The following PLOD3 variants were observed in gnomAD, a reference collection of about 807,000 sequenced individuals.
PLOD3 encodes multifunctional procollagen lysine hydroxylase and glycosyltransferase LH3.
Under a neutral mutation model 96.9 loss-of-function variants are expected in PLOD3, and 73 were observed. That is an observed-to-expected ratio of 0.75 (90% confidence interval 0.62 to 0.92). PLOD3 has a LOEUF of 0.92. Among genes scored for constraint, PLOD3 ranks in the 40% least tolerant of loss-of-function variants. The pLI, the probability that PLOD3 is intolerant of heterozygous loss-of-function variation, is 0.00. For missense variants in PLOD3, 1,004 were observed against 1,004.3 expected, an observed-to-expected ratio of 1.00 and a Z score of 0.00; for synonymous variants, 454 against 413.7, an observed-to-expected ratio of 1.10 and a Z score of -1.18.
intron 7 of PLOD3, 25 bp downstream of exon 7, chr7:101,213,082 C>T (rs746715231): frequency 2.9e-5 from 30 of 1,049,360 alleles, no homozygotes; most frequent in Non-Finnish European, 3.4e-5. Flanking sequence ...CAGGGCGGGG[C>T]GGGGGTTGAG....
chr7:101,207,974 T>G (rs1015400102), intron 16 of PLOD3, among the ~76,000 whole-genome samples: 1 of 152,184 alleles, frequency 6.6e-6, no homozygotes, highest in African/African-American at 2.4e-5. Flanking sequence ...TGGCTTCTAT[T>G]GCACCCAGGC....
chr7:101,212,069 T>A, intron 10 of PLOD3, 119 bp from the exon 11 acceptor site: 1 of 1,025,468 alleles, frequency 9.8e-7, no homozygotes, highest in Non-Finnish European at 1.5e-6. Flanking sequence ...TTCCCCAGGC[T>A]CTCTGCTGTC....
At position 101,216,677 on chromosome 7, in the gene PLOD3, G is replaced by A. The variant is rs777912145; in HGVS notation, c.201+18C>T. The A allele has an allele frequency of 1.9e-6, 3 of 1,609,716 alleles. No individual in the cohort carries two copies. The highest frequency in any genetic ancestry group is 1.7e-5 in the Admixed American group (1 of 60,000). On this transcript the variant is annotated intron_variant, in intron 2 of 18. Coordinates refer to ENST00000223127, the MANE Select transcript of PLOD3 (RefSeq NM_001084.5). ...CTCCTGCTGGGACCCCCTCCCAGGG[G>A]CCTTTCCCTCTCCTCACCCGCACAG...
chr7:101,207,437 T>C, intron 17 of PLOD3, 141 bp downstream of exon 17: 2 of 881,156 alleles, frequency 2.3e-6, no homozygotes, highest in Non-Finnish European at 3.5e-6. Context: ...CTGGGGTGCC[T>C]CCTGCAGCGT....
Position 101,206,435 on chromosome 7 carries a change from C to T in PLOD3, c.2063G>A (p.Gly688Glu). ...ALNHKGLDYEGGGCRFLRYDC... is the reference protein window; with the variant it reads ...ALNHKGLDYEEGGCRFLRYDC... ...GTAGCGCAGGAAGCGGCAGCCACCT[C>T]CCTGGAAAGAGAAGGGAAAGGAAAC... Residue 688 changes from glycine (G) to glutamate (E), a missense_variant and splice_region_variant, in exon 19 of 19, where the codon GGA (glycine) becomes GAA (glutamate). Gly to Glu is a moderately conservative substitution (Grantham distance 98, BLOSUM62 -2). This residue lies in a region of PLOD3 where 222 missense variants were observed against 220.4 expected (regional missense o/e 1.01). Coordinates refer to ENST00000223127, the MANE Select transcript of PLOD3 (RefSeq NM_001084.5). The T allele has an allele frequency of 6.3e-7, 1 of 1,598,910 alleles. No individual in the cohort carries two copies. Among genetic ancestry groups the T allele is most frequent in the East Asian group, 2.3e-5 (1 of 44,164 alleles).
chr7:101,206,259 G>A lies in PLOD3; in HGVS notation c.*22C>T. 6 of 1,613,404 alleles carry A rather than the reference G, an allele frequency of 3.7e-6. No homozygotes were observed. In the South Asian group the frequency reaches 5.5e-5, roughly 15 times the overall value. ...CCTAAAAAGGCACAATGGCAGGGCA[G>A]GTTTGGCAGAGTGGTTGAGTGTCAG... On this transcript the variant is annotated 3_prime_UTR_variant, in exon 19 of 19. Coordinates refer to ENST00000223127, the MANE Select transcript of PLOD3 (RefSeq NM_001084.5).
chr7:101,216,273 T>C lies in PLOD3; in HGVS notation c.392A>G (p.Gln131Arg). ...SPTELLKKFV[Q>R]SGSRLLFSAE... ...AGAGAAGAGCAGGCGGCTGCCACTC[T>C]GGACGAACTTCTTCAGCAGCTCTGT... Residue 131 changes from glutamine to arginine, a missense_variant, in exon 4 of 19, where the codon CAG (glutamine) becomes CGG (arginine). Around this residue, in one of 5 missense-constraint regions of PLOD3, gnomAD observed 690 missense variants for 650.2 expected, o/e 1.06. Coordinates refer to ENST00000223127, the MANE Select transcript of PLOD3 (RefSeq NM_001084.5). The C allele has an allele frequency of 1.2e-6, 2 of 1,613,650 alleles. No homozygotes were observed. The highest frequency in any genetic ancestry group is 2.2e-5 in the South Asian group (2 of 91,090).
In PLOD3 at chr7:101,210,547, C is replaced by T. The variant is rs765351586; in HGVS notation, c.1485G>A (p.Lys495=). The T allele has an allele frequency of 2.5e-6, 4 of 1,614,214 alleles. No individual in the cohort carries two copies. In the South Asian group the frequency reaches 4.4e-5, roughly 18 times the overall value. ...CCGCGCTCACCTTGTCTCGAAAGCT[C>T]TTACAGAAGGCCATGTCCGGGTCTG... ...SDTDPDMAFC[K]SFRDKGIFLH... Residue 495 remains lysine (K), a synonymous_variant, in exon 13 of 19, where the codon AAG becomes AAA. Coordinates refer to ENST00000223127, the MANE Select transcript of PLOD3 (RefSeq NM_001084.5).
intron 12 of PLOD3, 193 bp downstream of exon 12, chr7:101,211,398 C>A: frequency 1.7e-6 from 1 of 604,308 alleles, no homozygotes; most frequent in South Asian, 2.1e-5. Context: ...TCAGGCTGAT[C>A]TTAAACTCCC....
chr7:101,213,353 T>C (rs967969919), intron 6 of PLOD3, 149 bp from the exon 7 acceptor site: 74 of 700,784 alleles, frequency 1.1e-4, no homozygotes, highest in Middle Eastern at 5.5e-4. Flanking sequence ...GCAGGAACCT[T>C]TGGGTTCTGA....
chr7:101,211,372 G>A (rs1474078366), intron 12 of PLOD3: 6 of 562,558 alleles, frequency 1.1e-5, no homozygotes, highest in Admixed American at 9.2e-5. Flanking sequence ...GTAGAGATAG[G>A]CTCTTGCTAC....
In PLOD3 at chr7:101,211,389, C is replaced by T. The variant is rs550714402; in HGVS notation, c.1358+202G>A. 5 of 588,960 alleles carry T rather than the reference C, an allele frequency of 8.5e-6. No individual in the cohort carries two copies. In the South Asian group the frequency reaches 8.6e-5, roughly 10 times the overall value. 36.5% of individuals were successfully genotyped at this position (588,960 alleles called of 1,614,324 possible). A position where few individuals can be genotyped will look rare whatever the true frequency, so the allele number is the denominator to read the frequency against. ...AGAGATAGGCTCTTGCTACGTTGCTCAGGCTGATCTTAAACTCCCAGGCTC... is the reference window on the plus strand; with the variant it reads ...AGAGATAGGCTCTTGCTACGTTGCTTAGGCTGATCTTAAACTCCCAGGCTC... On this transcript the variant is annotated intron_variant, in intron 12 of 18. Transcript: ENST00000223127.
At chr7:101,213,034 A>T in intron 7 of PLOD3, 73 bp downstream of exon 7, 1 of 1,165,670 alleles carries the variant, frequency 8.6e-7, no homozygotes, top group Non-Finnish European at 1.2e-6. Flanking sequence ...GGGAAGGGCC[A>T]GCTTCTCAGA....
chr7:101,211,607 C>G lies in PLOD3; in HGVS notation c.1342G>C (p.Val448Leu), dbSNP rs1798181917. ...GGGACTCACACTCGCTTCCGCTGCA[C>G]CAGCTCCACGTAGTCCTCGGAGCGG... is the stretch of plus-strand genomic sequence containing the variant. The part of the protein sequence containing the change: ...YARSEDYVEL[V>L]QRKRVGVWNV... The change falls in exon 12 of 19, where the codon GTG (valine) becomes CTG (leucine). Residue 448 changes from valine to leucine, a missense_variant. Physicochemically the swap from Val to Leu is conservative, Grantham distance 32. Around this residue, in one of 5 missense-constraint regions of PLOD3, gnomAD observed 690 missense variants for 650.2 expected, o/e 1.06. Transcript: ENST00000223127. 3.1e-6 allele frequency: 5 copies of G among 1,603,236 alleles called. No individual in the cohort carries two copies. In the East Asian group the frequency reaches 1.1e-4, roughly 36 times the overall value.
Position 101,206,361 on chromosome 7 carries a change from C to A in PLOD3, c.2137G>T (p.Gly713Cys), listed in dbSNP as rs376339415. 2 of 1,613,794 alleles carry A rather than the reference C, an allele frequency of 1.2e-6. No homozygotes were observed. The highest frequency in any genetic ancestry group is 2.2e-5 in the East Asian group (1 of 44,884). Residue 713 changes from glycine to cysteine, a missense_variant, in exon 19 of 19, where the codon GGC becomes TGC. Physicochemically the swap from Gly to Cys is radical, Grantham distance 159. This residue lies in a region of PLOD3 where 222 missense variants were observed against 220.4 expected (regional missense o/e 1.01). Transcript: ENST00000223127. ...PRKGWALLHP[G>C]RLTHYHEGLP... ...CCCTCGTGGTAGTGGGTGAGGCGGC[C>A]GGGGTGCAGGAGTGCCCAGCCCTTC...
rs771042939 is a variant in PLOD3 at position 101,206,835 on chromosome 7, C to T, written c.2005G>A (p.Asp669Asn). 38 of 1,574,214 alleles carry T rather than the reference C, an allele frequency of 2.4e-5. No individual in the cohort carries two copies. The South Asian group carries it at 3.6e-4, about 15-fold the overall frequency. The change falls in exon 18 of 19, where the codon GAC (aspartate) becomes AAC (asparagine). Residue 669 changes from aspartate to asparagine, a missense_variant. Coordinates refer to ENST00000223127, the MANE Select transcript of PLOD3 (RefSeq NM_001084.5). Reference sequence around the variant, plus strand: ...ACGTTGAGGGTGAAGGTGGATGAGTCGTGGTGTGGCCGCAGAGACGGCTGC... The same window carrying T: ...ACGTTGAGGGTGAAGGTGGATGAGTTGTGGTGTGGCCGCAGAGACGGCTGC... ...DEQPSLRPHH[D>N]SSTFTLNVAL... is the part of the protein sequence containing the mutation.
chr7:101,206,012 A>G lies in PLOD3; in HGVS notation c.*269T>C, dbSNP rs75493603. On this transcript the variant is annotated 3_prime_UTR_variant, in exon 19 of 19. Transcript: ENST00000223127. Reference sequence around the variant, plus strand: ...CAAACTGTCCTTTATTCAGAGTGAGACTGCGGAACATTAATAATTTATCAC... The same window carrying G: ...CAAACTGTCCTTTATTCAGAGTGAGGCTGCGGAACATTAATAATTTATCAC... 0.012 allele frequency: 6,487 copies of G among 560,482 alleles called. 145 individuals carry two copies. Among genetic ancestry groups the G allele is most frequent in the East Asian group, 0.077 (2,476 of 32,126 alleles). The allele number at this position is 560,482 out of a possible 1,614,324, so 34.7% of individuals were successfully genotyped here. A position where few individuals can be genotyped will look rare whatever the true frequency, so the allele number is the denominator to read the frequency against.
chr7:101,208,175 G>A (rs1798117663), intron 16 of PLOD3, among the ~76,000 whole-genome samples: 2 of 152,140 alleles, frequency 1.3e-5, no homozygotes, highest in South Asian at 4.1e-4. Flanking sequence ...ATAGCTCACT[G>A]CAGCCTCTAA....
Position 101,209,950 on chromosome 7 carries a change from C to T in PLOD3, c.1683+143G>A, listed in dbSNP as rs7777930. 76,266 of 601,574 alleles carry T rather than the reference C, an allele frequency of 0.13. 5,715 individuals are homozygous for T. The highest frequency in any genetic ancestry group is 0.15 in the Middle Eastern group (437 of 2,932). 37.3% of individuals were successfully genotyped at this position (601,574 alleles called of 1,614,324 possible). A position where few individuals can be genotyped will look rare whatever the true frequency, so the allele number is the denominator to read the frequency against. On this transcript the variant is annotated intron_variant, in intron 15 of 18. Coordinates refer to ENST00000223127, the MANE Select transcript of PLOD3 (RefSeq NM_001084.5). ...TTTGGGGGCAAGAGTCCTTTCTGTT[C>T]GGCCTCTGCCTTCATCTTGTCTGAA...
Sources: gnomAD v4.1 joint callset for allele counts (sites outside exome capture counted in the v4.1 genomes callset) on GRCh38, gnomAD v4.1.1 for gene constraint, gnomAD v4.1.1 regional missense constraint, MANE v1.5 for transcripts, NCBI Gene and HGNC (gene_info 2026-07-23, HGNC 2026-07-21) for gene names.